Variants in SAMD12 observed in about 807,000 individuals in gnomAD.
The protein encoded by SAMD12 is sterile alpha motif domain-containing protein 12.
SAMD12 carries 9 observed loss-of-function variants against 15.0 expected under a neutral mutation model. The observed-to-expected ratio is 0.60, with a 90% CI of 0.36 to 1.05. The LOEUF (loss-of-function observed/expected upper bound fraction) is 1.05, where lower values mean the gene tolerates loss of function less well. Among genes scored for constraint, SAMD12 ranks in the 50% least tolerant of loss-of-function variants. The pLI is 0.01. For missense variants in SAMD12, 230 were observed against 234.2 expected, an observed-to-expected ratio of 0.98 and a Z score of 0.12; for synonymous variants, 86 against 90.1, an observed-to-expected ratio of 0.96 and a Z score of 0.25.
At chr8:118,423,515 C>G (rs1202233999) in intron 3 of SAMD12, among the ~76,000 whole-genome samples, 19 of 152,170 alleles carry the variant, frequency 1.2e-4, no homozygotes, top group Admixed American at 1.2e-3. Flanking sequence ...ATCAATCCAG[C>G]CTTCTCTAAG....
intron 2 of SAMD12, among the ~76,000 whole-genome samples, chr8:118,549,191 A>G (rs1015409852): frequency 1.2e-4 from 18 of 152,342 alleles, no homozygotes; most frequent in African/African-American, 3.1e-4. Flanking sequence ...CTCCCAGCAC[A>G]CAGCTGGAGA....
chr8:118,501,373 C>G (rs1034378041), intron 2 of SAMD12, among the ~76,000 whole-genome samples: 2 of 152,128 alleles, frequency 1.3e-5, no homozygotes, highest in African/African-American at 4.8e-5. Flanking sequence ...TGTTAATTAG[C>G]TTGATTTAGC....
chr8:118,332,834 T>A (rs1400111631), intron 4 of SAMD12, among the ~76,000 whole-genome samples: 1 of 152,194 alleles, frequency 6.6e-6, no homozygotes. Flanking sequence ...CTCACCACCA[T>A]CTCTGGAATG....
At chr8:118,409,470 T>C (rs1586681464) in intron 3 of SAMD12, among the ~76,000 whole-genome samples, 1 of 127,642 alleles carries the variant, frequency 7.8e-6, no homozygotes, top group South Asian at 3.1e-4. Context: ...GGTGTATATT[T>C]GTACCCTGGA....
At chr8:118,487,670 G>A (rs75891222) in intron 2 of SAMD12, among the ~76,000 whole-genome samples, 2,234 of 152,282 alleles carry the variant, frequency 0.015, 51 homozygotes, top group African/African-American at 0.051. Context: ...TTTCCCAAAT[G>A]ACCTCTTGAG....
Position 118,319,802 on chromosome 8 carries a change from GTTTGGTGTTTGA to G in SAMD12, c.433+59746_433+59757del, listed in dbSNP as rs1586516014. On this transcript the variant is annotated intron_variant, in intron 4 of 4. Transcript: ENST00000409003. ...AGATAGATGCAGGAGAAAAGCGCAG[GTTTGGTGTTTGA>G]GATAATATATAAGTTTAAATTTGGT... Among the ~76,000 whole-genome samples the G allele has an allele frequency of 4.6e-5, 7 of 152,278 alleles. No individual in the cohort carries two copies. In the East Asian group the frequency reaches 1.4e-3, roughly 29 times the overall value.
intron 2 of SAMD12, among the ~76,000 whole-genome samples, chr8:118,567,911 C>CTAAT (rs60202715): frequency 0.021 from 3,165 of 152,190 alleles, 113 homozygotes; most frequent in African/African-American, 0.073. Flanking sequence ...TAAATGTATC[C>CTAAT]TATTATAAGA....
intron 1 of SAMD12, among the ~76,000 whole-genome samples, chr8:118,614,665 T>C (rs910998935): frequency 1.3e-5 from 2 of 152,018 alleles, no homozygotes; most frequent in African/African-American, 4.8e-5. Context: ...CAAGGGAGGG[T>C]AGCAGGGAGG....
intron 2 of SAMD12, among the ~76,000 whole-genome samples, chr8:118,446,553 GA>G (rs747192928): frequency 1.4e-3 from 216 of 152,022 alleles, no homozygotes; most frequent in Non-Finnish European, 2.5e-3. Flanking sequence ...ATAAAATTTG[GA>G]AAAACACTGA....
intron 2 of SAMD12, among the ~76,000 whole-genome samples, chr8:118,530,078 T>C (rs571042758): frequency 6.6e-6 from 1 of 152,342 alleles, no homozygotes; most frequent in South Asian, 2.1e-4. Flanking sequence ...CTGATGGGTG[T>C]CACATGGTAA....
chr8:118,401,830 T>A (rs1408592756), intron 3 of SAMD12, among the ~76,000 whole-genome samples: 2 of 152,210 alleles, frequency 1.3e-5, no homozygotes, highest in Non-Finnish European at 2.9e-5. Context: ...TGCTCAAATA[T>A]CTACTAAATG....
At chr8:118,462,278 T>G (rs1823445121) in intron 2 of SAMD12, among the ~76,000 whole-genome samples, 2 of 152,220 alleles carry the variant, frequency 1.3e-5, no homozygotes, top group Non-Finnish European at 2.9e-5. Flanking sequence ...CTGCACAAAG[T>G]AAAGGATATG....
At chr8:118,209,233 T>A (rs903402434) in intron 4 of SAMD12, among the ~76,000 whole-genome samples, 2 of 152,034 alleles carry the variant, frequency 1.3e-5, no homozygotes, top group African/African-American at 2.4e-5. Flanking sequence ...TCCAGAAAAG[T>A]TTAAAAGAAA....
At chr8:118,359,093 G>GC (rs572103535) in intron 4 of SAMD12, among the ~76,000 whole-genome samples, 17 of 151,714 alleles carry the variant, frequency 1.1e-4, no homozygotes, top group South Asian at 2.1e-4. Context: ...ATTATTCCCT[G>GC]CCCCCCCAAT....
At chr8:118,370,336 G>A (rs1819022370) in intron 4 of SAMD12, among the ~76,000 whole-genome samples, 1 of 152,160 alleles carries the variant, frequency 6.6e-6, no homozygotes, top group Admixed American at 6.5e-5. Context: ...ACTGTTGGTG[G>A]GAATGCAAAT....
chr8:118,459,444 A>C (rs1419654171), intron 2 of SAMD12, among the ~76,000 whole-genome samples: 2 of 152,220 alleles, frequency 1.3e-5, no homozygotes, highest in East Asian at 3.8e-4. Flanking sequence ...GGGTTAAAAT[A>C]TTCAGTGGCA....
chr8:118,558,796 A>T (rs1826622268), intron 2 of SAMD12, among the ~76,000 whole-genome samples: 1 of 152,028 alleles, frequency 6.6e-6, no homozygotes, highest in Non-Finnish European at 1.5e-5. Flanking sequence ...TGACCTCGCG[A>T]TCCACCCGCC....
intron 3 of SAMD12, among the ~76,000 whole-genome samples, chr8:118,419,705 C>T (rs546411469): frequency 6.6e-6 from 1 of 152,224 alleles, no homozygotes; most frequent in African/African-American, 2.4e-5. Flanking sequence ...CTGAACTGAT[C>T]ATCACTGTGA....
chr8:118,508,736 T>C (rs1364176136), intron 2 of SAMD12, among the ~76,000 whole-genome samples: 1 of 152,212 alleles, frequency 6.6e-6, no homozygotes, highest in Non-Finnish European at 1.5e-5. Flanking sequence ...GCACTGTCTT[T>C]TATTTTCAAC....
Sources: gnomAD v4.1 joint callset for allele counts (sites outside exome capture counted in the v4.1 genomes callset) on GRCh38, gnomAD v4.1.1 for gene constraint, MANE v1.5 for transcripts, NCBI Gene and HGNC (gene_info 2026-07-23, HGNC 2026-07-21) for gene names.